NCAM2: variants seen among roughly 807,000 people sequenced by gnomAD.
The protein encoded by NCAM2 is neural cell adhesion molecule 2.
In NCAM2, 30 loss-of-function variants were observed where a neutral mutation model predicts 98.1. The observed-to-expected ratio is 0.31, with a 90% CI of 0.23 to 0.41. NCAM2 has a LOEUF of 0.41. NCAM2 is among the 10% of genes least tolerant of loss of function. NCAM2 has a pLI of 1.00. For missense variants in NCAM2, 867 were observed against 1,005.8 expected, an observed-to-expected ratio of 0.86 and a Z score of 1.87; for synonymous variants, 368 against 342.4, an observed-to-expected ratio of 1.07 and a Z score of -0.83.
chr21:21,252,613 G>A (rs1601771835), intron 1 of NCAM2, among the ~76,000 whole-genome samples: 1 of 152,024 alleles, frequency 6.6e-6, no homozygotes, highest in South Asian at 2.1e-4. Context: ...AAACAGTAAT[G>A]CAGTTTTATA....
At position 21,524,584 on chromosome 21, in the gene NCAM2, G is replaced by GA. The variant is rs536817921; in HGVS notation, c.2283-9947dup. On this transcript the variant is annotated intron_variant, in intron 16 of 17. Transcript: ENST00000400546. ...ACAAAGATAAAAAGAAAAAAAGTAA[G>GA]AAAAAATGGGAAAATTTGGGAAAAA... Among the ~76,000 whole-genome samples the GA allele has an allele frequency of 3.4e-3, 511 of 151,482 alleles. 6 individuals are homozygous for GA. The highest frequency in any genetic ancestry group is 0.012 in the African/African-American group (492 of 41,360).
chr21:21,019,834 A>G (rs1243353245), intron 1 of NCAM2, among the ~76,000 whole-genome samples: 1 of 152,124 alleles, frequency 6.6e-6, no homozygotes, highest in Admixed American at 6.6e-5. Flanking sequence ...AGGGCAGCTG[A>G]TAAGTTTAGC....
In NCAM2 at chr21:21,540,342, A is replaced by T. The variant is rs1990184284; in HGVS notation, c.*2385A>T. On this transcript the variant is annotated 3_prime_UTR_variant, in exon 18 of 18. Transcript: ENST00000400546. ...TTCCTGCCACTCATGTGGAGTAATG[A>T]TCTGAAATTAACAGATAATCTGAAG... The T allele has an allele frequency of 6.6e-6, 1 of 151,202 alleles. No homozygotes were observed. Among genetic ancestry groups the T allele is most frequent in the South Asian group, 2.1e-4 (1 of 4,814 alleles). The allele number at this position is 151,202 out of a possible 1,614,324, so 9.4% of individuals were successfully genotyped here.
intron 1 of NCAM2, among the ~76,000 whole-genome samples, chr21:21,106,381 CT>C (rs1209694197): frequency 7.0e-6 from 1 of 142,528 alleles, no homozygotes; most frequent in African/African-American, 2.7e-5. Context: ...TATGATGTTT[CT>C]TTCTTTAGAT....
At chr21:21,132,997 T>C (rs1476992553) in intron 1 of NCAM2, among the ~76,000 whole-genome samples, 1 of 152,218 alleles carries the variant, frequency 6.6e-6, no homozygotes, top group African/African-American at 2.4e-5. Flanking sequence ...CATACGTGTT[T>C]TTATAATATA....
intron 16 of NCAM2, among the ~76,000 whole-genome samples, chr21:21,509,510 C>T (rs537883712): frequency 8.0e-4 from 121 of 152,198 alleles, no homozygotes; most frequent in African/African-American, 2.8e-3. Context: ...CAACAGGCTT[C>T]ATGATTTTTT....
chr21:21,346,539 AGATGTTTATAG>A, intron 8 of NCAM2, among the ~76,000 whole-genome samples: 1 of 152,106 alleles, frequency 6.6e-6, no homozygotes, highest in South Asian at 2.1e-4. Flanking sequence ...TGGATCTGGT[AGATGTTTATAG>A]AACATTTCAT....
rs577676209 is a variant in NCAM2 at position 21,207,305 on chromosome 21, T to G, written c.56-73273T>G. On this transcript the variant is annotated intron_variant, in intron 1 of 17. Transcript: ENST00000400546. ...TGTGTACAATGGTAATTTTTGGCAC[T>G]CAGGAAGAAGCAGAATGTTATCTGT... 2.0e-5 allele frequency among the ~76,000 whole-genome samples: 3 copies of G among 152,282 alleles called. No individual in the cohort carries two copies. The South Asian group carries it at 6.2e-4, about 32-fold the overall frequency.
chr21:21,521,786 T>C (rs1989030719), intron 16 of NCAM2, among the ~76,000 whole-genome samples: 1 of 151,436 alleles, frequency 6.6e-6, no homozygotes, highest in Non-Finnish European at 1.5e-5. Context: ...ATGGAGTAAA[T>C]ACAGTTATAA....
rs184140998 is a variant in NCAM2 at position 21,392,375 on chromosome 21, A to G, written c.1196-17899A>G. Among the ~76,000 whole-genome samples, 998 of 152,332 alleles carry G rather than the reference A, an allele frequency of 6.6e-3. 6 individuals are homozygous for G. The highest frequency in any genetic ancestry group is 0.011 in the Non-Finnish European group (739 of 68,032). On this transcript the variant is annotated intron_variant, in intron 9 of 17. Transcript: ENST00000400546. ...ATTGATGGACATTTAGGTTGAATCC[A>G]TGTCTTTGCTATTGTGAATAGTGCT... is the stretch of plus-strand genomic sequence containing the variant.
chr21:21,159,187 A>G (rs1222149351), intron 1 of NCAM2, among the ~76,000 whole-genome samples: 1 of 152,230 alleles, frequency 6.6e-6, no homozygotes, highest in African/African-American at 2.4e-5. Flanking sequence ...ATATCTTCAT[A>G]TAGCTGTATA....
intron 15 of NCAM2, among the ~76,000 whole-genome samples, chr21:21,505,007 T>G (rs1285037843): frequency 6.6e-6 from 1 of 151,978 alleles, no homozygotes; most frequent in Non-Finnish European, 1.5e-5. Flanking sequence ...GTTGTGCTAT[T>G]AAATACCTGA....
At position 21,299,330 on chromosome 21, in the gene NCAM2, T is replaced by G. The variant is rs2073621482; in HGVS notation, c.619+7089T>G. On this transcript the variant is annotated intron_variant, in intron 5 of 17. Transcript: ENST00000400546. Reference sequence around the variant, plus strand: ...TTTTTTTTGCTTGTGTCATATCCTATGGCTTTTAATAAAAGCATAGGTATT... The same window carrying G: ...TTTTTTTTGCTTGTGTCATATCCTAGGGCTTTTAATAAAAGCATAGGTATT... Among the ~76,000 whole-genome samples, 6 of 151,454 alleles carry G rather than the reference T, an allele frequency of 4.0e-5. No homozygotes were observed. In the South Asian group the frequency reaches 1.2e-3, roughly 32 times the overall value.
chr21:21,135,017 G>C (rs779053717), intron 1 of NCAM2, among the ~76,000 whole-genome samples: 1 of 144,072 alleles, frequency 6.9e-6, no homozygotes, highest in South Asian at 2.2e-4. Flanking sequence ...GGCAGATCAC[G>C]AGGTCAGGAG....
chr21:21,037,111 G>A (rs2064815635), intron 1 of NCAM2, among the ~76,000 whole-genome samples: 2 of 152,122 alleles, frequency 1.3e-5, no homozygotes, highest in African/African-American at 4.8e-5. Context: ...GCTCACTCCA[G>A]CCTGGACTTC....
At chr21:21,193,119 C>T (rs1265005801) in intron 1 of NCAM2, among the ~76,000 whole-genome samples, 1 of 152,012 alleles carries the variant, frequency 6.6e-6, no homozygotes, top group Admixed American at 6.6e-5. Flanking sequence ...GGTAACTATC[C>T]CCATCTCTCT....
chr21:21,362,114 A>T (rs1309204890), intron 8 of NCAM2, among the ~76,000 whole-genome samples: 1 of 151,956 alleles, frequency 6.6e-6, no homozygotes, highest in African/African-American at 2.4e-5. Context: ...TTATTTCAGT[A>T]ACTTTTTTTT....
chr21:21,456,697 A>G (rs1042951007), intron 12 of NCAM2, among the ~76,000 whole-genome samples: 1 of 152,166 alleles, frequency 6.6e-6, no homozygotes, highest in African/African-American at 2.4e-5. Context: ...CAAAATTTAT[A>G]TATTGAAACC....
intron 9 of NCAM2, among the ~76,000 whole-genome samples, chr21:21,385,031 C>T (rs1328258756): frequency 2.6e-5 from 4 of 151,226 alleles, no homozygotes; most frequent in Non-Finnish European, 4.4e-5. Context: ...TTTTTTTTTA[C>T]GTTTATGCCA....
Sources: allele counts gnomAD v4.1 joint callset (sites outside exome capture counted in the v4.1 genomes callset), GRCh38; gene constraint gnomAD v4.1.1; transcripts MANE v1.5; gene names NCBI Gene and HGNC (gene_info 2026-07-23, HGNC 2026-07-21).